CREB5: variants seen among roughly 807,000 people sequenced by gnomAD.
The protein encoded by CREB5 is cyclic AMP-responsive element-binding protein 5.
A neutral mutation model predicts 57.1 loss-of-function variants in CREB5; 19 were observed. The ratio of observed to expected loss-of-function variants is 0.33; its 90% CI spans 0.23 to 0.49. The LOEUF (loss-of-function observed/expected upper bound fraction) is 0.49, where lower values mean the gene tolerates loss of function less well. CREB5 is among the 20% of genes least tolerant of loss of function. CREB5 has a pLI of 0.99. For synonymous variants in CREB5, 238 were observed against 238.3 expected (o/e 1.00, Z 0.01); for missense variants, 579 against 671.6 (o/e 0.86, Z 1.52).
intron 4 of CREB5, among the ~76,000 whole-genome samples, chr7:28,549,497 G>A (rs1410790106): frequency 2.0e-5 from 3 of 152,160 alleles, no homozygotes; most frequent in Non-Finnish European, 4.4e-5. Context: ...ATCGCATCTG[G>A]TATTTAGTAC....
In CREB5 at chr7:28,644,388, G is replaced by C. The variant is rs939417391; in HGVS notation, c.464+73851G>C. Among the ~76,000 whole-genome samples the C allele has an allele frequency of 2.6e-5, 4 of 152,122 alleles. No individual in the cohort carries two copies. The South Asian group carries it at 8.3e-4, about 32-fold the overall frequency. ...CAGAGGAAGTGTTTTCAGACTACCAGTGGGAATTTCAGATTATTTTGATGT... is the reference window on the plus strand; with the variant it reads ...CAGAGGAAGTGTTTTCAGACTACCACTGGGAATTTCAGATTATTTTGATGT... On this transcript the variant is annotated intron_variant, in intron 5 of 10. Coordinates refer to ENST00000357727, the MANE Select transcript of CREB5 (RefSeq NM_182898.4).
intron 7 of CREB5, among the ~76,000 whole-genome samples, chr7:28,747,341 G>A (rs1333432872): frequency 6.6e-6 from 1 of 152,216 alleles, no homozygotes; most frequent in Non-Finnish European, 1.5e-5. Context: ...GTTGATAAAT[G>A]TGTCAATCCC....
intron 5 of CREB5, among the ~76,000 whole-genome samples, chr7:28,589,866 CCTCA>C (rs1420669275): frequency 7.2e-5 from 11 of 152,154 alleles, no homozygotes; most frequent in Admixed American, 4.6e-4. Context: ...ATGTTAAGGG[CCTCA>C]CTCTTGCAGA....
At chr7:28,422,213 C>T (rs1788298728) in intron 1 of CREB5, among the ~76,000 whole-genome samples, 1 of 152,088 alleles carries the variant, frequency 6.6e-6, no homozygotes, top group Non-Finnish European at 1.5e-5. Context: ...ATTCTCTGTG[C>T]TTCGGGGAAA....
intron 1 of CREB5, among the ~76,000 whole-genome samples, chr7:28,480,312 G>C (rs946453424): frequency 1.3e-5 from 2 of 152,058 alleles, no homozygotes; most frequent in Non-Finnish European, 2.9e-5. Flanking sequence ...TTTCCAAAAG[G>C]CAAGCTGCTT....
At chr7:28,469,019 C>T (rs1356962192) in intron 1 of CREB5, among the ~76,000 whole-genome samples, 1 of 152,144 alleles carries the variant, frequency 6.6e-6, no homozygotes, top group Non-Finnish European at 1.5e-5. Context: ...CAACACCTAG[C>T]GTAGTTCCAG....
chr7:28,366,723 C>T (rs1347630730), intron 1 of CREB5, among the ~76,000 whole-genome samples: 6 of 152,204 alleles, frequency 3.9e-5, no homozygotes, highest in Non-Finnish European at 8.8e-5. Context: ...GGACATCCTT[C>T]TGCAAATCCT....
chr7:28,613,457 A>T (rs1797476222), intron 5 of CREB5, among the ~76,000 whole-genome samples: 1 of 152,136 alleles, frequency 6.6e-6, no homozygotes, highest in South Asian at 2.1e-4. Flanking sequence ...ACGACTTATG[A>T]CTCATAGGTG....
intron 5 of CREB5, among the ~76,000 whole-genome samples, chr7:28,663,509 T>A (rs1168427670): frequency 6.6e-6 from 1 of 152,178 alleles, no homozygotes; most frequent in African/African-American, 2.4e-5. Flanking sequence ...CTCGGCCAGC[T>A]GTCCCCTTTT....
In CREB5 at chr7:28,712,524, T is replaced by TTTA. The variant is rs752228734; in HGVS notation, c.465-6208_465-6206dup. On this transcript the variant is annotated intron_variant, in intron 5 of 10. Coordinates refer to ENST00000357727, the MANE Select transcript of CREB5 (RefSeq NM_182898.4). Reference sequence around the variant, plus strand: ...ACTCCTCAAAAAAAAAAAAAGAGAATTTATTATTATTATTATTATTATTTT... The same window carrying TTTA: ...ACTCCTCAAAAAAAAAAAAAGAGAATTTATTATTATTATTATTATTATTATTTT... Among the ~76,000 whole-genome samples the TTTA allele has an allele frequency of 5.0e-4, 68 of 135,352 alleles. 1 individual carries two copies. Among genetic ancestry groups the TTTA allele is most frequent in the South Asian group, 2.9e-3 (12 of 4,116 alleles). 88.8% of individuals were successfully genotyped at this position (135,352 alleles called of 152,430 possible).
intron 5 of CREB5, among the ~76,000 whole-genome samples, chr7:28,618,471 G>T (rs1797674690): frequency 6.6e-6 from 1 of 152,074 alleles, no homozygotes; most frequent in Non-Finnish European, 1.5e-5. Context: ...ATGCTGCTCT[G>T]ATTTCAGGCC....
At chr7:28,652,725 A>G (rs1398776052) in intron 5 of CREB5, among the ~76,000 whole-genome samples, 1 of 152,220 alleles carries the variant, frequency 6.6e-6, no homozygotes, top group African/African-American at 2.4e-5. Flanking sequence ...CTATCCTCTT[A>G]CACATATTCA....
At chr7:28,382,158 C>T (rs146384163) in intron 1 of CREB5, among the ~76,000 whole-genome samples, 21 of 152,242 alleles carry the variant, frequency 1.4e-4, no homozygotes, top group African/African-American at 4.3e-4. Flanking sequence ...AGGAGAAGGG[C>T]GACCTGGCTC....
intron 1 of CREB5, among the ~76,000 whole-genome samples, chr7:28,334,660 T>G (rs1449247538): frequency 6.6e-6 from 1 of 152,142 alleles, no homozygotes; most frequent in African/African-American, 2.4e-5. Flanking sequence ...TCTCTTCACT[T>G]TGTTGATTGT....
intron 1 of CREB5, among the ~76,000 whole-genome samples, chr7:28,416,356 T>G (rs1242917196): frequency 6.6e-6 from 1 of 152,178 alleles, no homozygotes; most frequent in Non-Finnish European, 1.5e-5. Context: ...AACAACAAAA[T>G]TTTTGTTTTT....
intron 1 of CREB5, among the ~76,000 whole-genome samples, chr7:28,348,911 G>A (rs955567234): frequency 2.6e-5 from 4 of 152,168 alleles, no homozygotes; most frequent in African/African-American, 9.7e-5. Context: ...TTTATTTATG[G>A]CATAACCAAC....
intron 5 of CREB5, among the ~76,000 whole-genome samples, chr7:28,642,987 T>TACACACATACACACACACACACACACAC (rs1562544746): frequency 1.0e-5 from 1 of 98,398 alleles, no homozygotes; most frequent in Non-Finnish European, 2.1e-5. Flanking sequence ...CACACACACA[T>TACACACATACACACACACACACACACAC]ACACACACAC....
chr7:28,679,246 G>A (rs900809101), intron 5 of CREB5, among the ~76,000 whole-genome samples: 5 of 152,046 alleles, frequency 3.3e-5, no homozygotes, highest in Non-Finnish European at 7.4e-5. Flanking sequence ...CTTATCATGT[G>A]CAAAGGGACA....
chr7:28,725,638 C>CTTTT (rs60312425), intron 7 of CREB5, among the ~76,000 whole-genome samples: 2 of 122,566 alleles, frequency 1.6e-5, no homozygotes, highest in African/African-American at 6.1e-5. Context: ...TGCCATATAT[C>CTTTT]TTTTTTTAAA....
Sources: gnomAD v4.1 joint callset for allele counts (sites outside exome capture counted in the v4.1 genomes callset) on GRCh38, gnomAD v4.1.1 for gene constraint, MANE v1.5 for transcripts, NCBI Gene and HGNC (gene_info 2026-07-23, HGNC 2026-07-21) for gene names.